NPR3: variants seen among roughly 807,000 people sequenced by gnomAD.
NPR3 encodes the protein atrial natriuretic peptide receptor 3.
Under a neutral mutation model 54.5 loss-of-function variants are expected in NPR3, and 34 were observed. The observed-to-expected ratio is 0.62, with a 90% CI of 0.47 to 0.83. The LOEUF (loss-of-function observed/expected upper bound fraction) is 0.83, where lower values mean the gene tolerates loss of function less well. Ranked by LOEUF, NPR3 falls within the 40% of genes least tolerant of loss-of-function variation. The probability of loss-of-function intolerance (pLI) is 0.00; values close to 1 mark genes in which losing one functional copy is unlikely to be tolerated. For missense variants in NPR3, 674 were observed against 720.8 expected, an observed-to-expected ratio of 0.94 and a Z score of 0.74; for synonymous variants, 289 against 297.1, an observed-to-expected ratio of 0.97 and a Z score of 0.28.
chr5:32,789,702 A>G lies in NPR3; in HGVS notation c.*3357A>G, dbSNP rs148410903. ...CAAATGCATCACTTTCCTTTTAGTT[A>G]TGGCTGATTTTGGGTGTGTGTGTGT... On this transcript the variant is annotated 3_prime_UTR_variant, in exon 8 of 8. Coordinates refer to ENST00000265074, the MANE Select transcript of NPR3 (RefSeq NM_001204375.2). The G allele has an allele frequency of 1.9e-6, 1 of 534,516 alleles. No homozygotes were observed. Among genetic ancestry groups the G allele is most frequent in the Non-Finnish European group, 3.8e-6 (1 of 260,092 alleles). The allele number at this position is 534,516 out of a possible 1,614,324, so 33.1% of individuals were successfully genotyped here. A position where few individuals can be genotyped will look rare whatever the true frequency, so the allele number is the denominator to read the frequency against.
intron 3 of NPR3, among the ~76,000 whole-genome samples, chr5:32,762,576 C>G (rs370489892): frequency 6.5e-4 from 98 of 151,912 alleles, no homozygotes; most frequent in African/African-American, 2.3e-3. Flanking sequence ...GTTTGTCAGC[C>G]ACATAAATGT....
At chr5:32,752,761 G>A (rs542392862) in intron 3 of NPR3, among the ~76,000 whole-genome samples, 31 of 152,286 alleles carry the variant, frequency 2.0e-4, no homozygotes, top group Middle Eastern at 3.4e-3. Context: ...AGTGGACTGA[G>A]GTGTTGCAGG....
At chr5:32,761,163 A>G (rs951056365) in intron 3 of NPR3, among the ~76,000 whole-genome samples, 2 of 151,918 alleles carry the variant, frequency 1.3e-5, no homozygotes, top group Non-Finnish European at 2.9e-5. Context: ...TCCTTTTTAT[A>G]TATAAATCAA....
chr5:32,787,577 TA>T lies in NPR3; in HGVS notation c.*1236del, dbSNP rs982401776. ...CAAAATTCCCAGTGATTATTTTGTT[TA>T]AAAGAGGGAACCTAAATATCTACTC... On this transcript the variant is annotated 3_prime_UTR_variant, in exon 8 of 8. Transcript: ENST00000265074. The T allele has an allele frequency of 4.6e-5, 7 of 152,220 alleles. No individual in the cohort carries two copies. The highest frequency in any genetic ancestry group is 1.0e-4 in the Non-Finnish European group (7 of 68,042). The allele number at this position is 152,220 out of a possible 1,614,324, so 9.4% of individuals were successfully genotyped here. A position where few individuals can be genotyped will look rare whatever the true frequency, so the allele number is the denominator to read the frequency against.
intron 1 of NPR3, among the ~76,000 whole-genome samples, chr5:32,718,543 G>GTTGCT (rs1738677205): frequency 2.0e-5 from 3 of 152,236 alleles, no homozygotes; most frequent in Admixed American, 6.5e-5. Flanking sequence ...GTGGTTTGTA[G>GTTGCT]TTGCTGAAGA....
intron 3 of NPR3, among the ~76,000 whole-genome samples, chr5:32,756,861 A>G (rs555821723): frequency 6.4e-4 from 97 of 152,334 alleles, no homozygotes; most frequent in African/African-American, 2.1e-3. Flanking sequence ...TAAATAGGGA[A>G]TCCTTTCCCC....
Position 32,724,693 on chromosome 5 carries a change from C to T in NPR3, c.770-5C>T, listed in dbSNP as rs750226964. On this transcript the variant is annotated splice_region_variant and splice_polypyrimidine_tract_variant and intron_variant, in intron 1 of 7. Transcript: ENST00000265074. ...CCTCATGTGTGTTGTTTGTTCCTCC[C>T]CTAGTGGTGATCATGTGTGCGAGCA... 7 of 1,613,760 alleles carry T rather than the reference C, an allele frequency of 4.3e-6. No individual in the cohort carries two copies. The highest frequency in any genetic ancestry group is 5.9e-6 in the Non-Finnish European group (7 of 1,179,860).
chr5:32,703,141 TGC>T, intron 1 of NPR3, among the ~76,000 whole-genome samples: 1 of 152,186 alleles, frequency 6.6e-6, no homozygotes, highest in South Asian at 2.1e-4. Flanking sequence ...TCCTGGCTAC[TGC>T]TGATGTTCAC....
At chr5:32,784,477 G>A (rs143540807) in intron 6 of NPR3, among the ~76,000 whole-genome samples, 2 of 152,258 alleles carry the variant, frequency 1.3e-5, no homozygotes, top group Admixed American at 6.5e-5. Context: ...TCAAAAGAGA[G>A]TGGCTATATC....
At position 32,711,710 on chromosome 5, in the gene NPR3, A is replaced by G. The variant is rs1738241403; in HGVS notation, c.-67A>G. On this transcript the variant is annotated 5_prime_UTR_variant, in exon 1 of 8. Transcript: ENST00000265074. ...TTGGAGAGAAGAGTGGGGAGGAAAG[A>G]GGAAGGGTGGGTGGGGGGCAGAGGG... The G allele has an allele frequency of 1.5e-6, 2 of 1,352,442 alleles. No individual in the cohort carries two copies. The highest frequency in any genetic ancestry group is 1.9e-6 in the Non-Finnish European group (2 of 1,042,504). The allele number at this position is 1,352,442 out of a possible 1,614,324, so 83.8% of individuals were successfully genotyped here.
intron 4 of NPR3, among the ~76,000 whole-genome samples, chr5:32,776,838 A>G (rs957182235): frequency 1.2e-4 from 19 of 152,246 alleles, no homozygotes; most frequent in African/African-American, 3.9e-4. Context: ...ATAAGGTAGG[A>G]TAGGGAGCTA....
At chr5:32,742,832 A>G (rs988767487) in intron 3 of NPR3, among the ~76,000 whole-genome samples, 2 of 152,188 alleles carry the variant, frequency 1.3e-5, no homozygotes, top group African/African-American at 4.8e-5. Context: ...ATAGCACATC[A>G]AGCATCAAGG....
intron 3 of NPR3, among the ~76,000 whole-genome samples, chr5:32,756,844 CA>C (rs1382485556): frequency 2.0e-5 from 3 of 152,170 alleles, no homozygotes; most frequent in Non-Finnish European, 2.9e-5. Flanking sequence ...TTCCCAGCAC[CA>C]TTTATTAAAT....
intron 2 of NPR3, among the ~76,000 whole-genome samples, chr5:32,734,690 G>A (rs1739636559): frequency 6.6e-6 from 1 of 152,216 alleles, no homozygotes; most frequent in South Asian, 2.1e-4. Context: ...CTGCAATGAT[G>A]GCTATGTTCT....
intron 1 of NPR3, among the ~76,000 whole-genome samples, chr5:32,717,999 T>A (rs937839549): frequency 1.3e-5 from 2 of 152,240 alleles, no homozygotes; most frequent in Admixed American, 1.3e-4. Flanking sequence ...GGTTTAACAT[T>A]TAAGTCTTTA....
chr5:32,693,648 T>C (rs1016557481), intron 1 of NPR3, among the ~76,000 whole-genome samples: 6 of 152,222 alleles, frequency 3.9e-5, no homozygotes, highest in Non-Finnish European at 8.8e-5. Context: ...GATTTAAATA[T>C]AACTTGGGCC....
intron 1 of NPR3, chr5:32,713,555 G>GC: frequency 2.4e-6 from 2 of 831,766 alleles, no homozygotes; most frequent in Middle Eastern, 6.1e-4. Flanking sequence ...CCCCCTTGGC[G>GC]CTCACGCGCC....
chr5:32,748,977 A>C (rs961042849), intron 3 of NPR3, among the ~76,000 whole-genome samples: 1 of 151,716 alleles, frequency 6.6e-6, no homozygotes, highest in Non-Finnish European at 1.5e-5. Context: ...TGAATTTTTA[A>C]TTTTTGCTGT....
intron 2 of NPR3, among the ~76,000 whole-genome samples, chr5:32,730,147 T>C (rs1377846897): frequency 2.0e-5 from 3 of 152,118 alleles, no homozygotes; most frequent in African/African-American, 7.2e-5. Flanking sequence ...GGATGCAAAG[T>C]TGGTTGTATA....
Sources: allele counts gnomAD v4.1 joint callset (sites outside exome capture counted in the v4.1 genomes callset), GRCh38; gene constraint gnomAD v4.1.1; transcripts MANE v1.5; gene names NCBI Gene and HGNC (gene_info 2026-07-23, HGNC 2026-07-21).